Variants in LRRTM4 observed in about 807,000 individuals in gnomAD.
LRRTM4 encodes leucine rich repeat transmembrane neuronal 4, also known as leucine-rich repeat transmembrane neuronal protein 4.
LRRTM4 carries 25 observed loss-of-function variants against 47.6 expected under a neutral mutation model. That is an observed-to-expected ratio of 0.53 (90% CI 0.38 to 0.73). The LOEUF (loss-of-function observed/expected upper bound fraction) is 0.73, where lower values mean the gene tolerates loss of function less well. Among genes scored for constraint, LRRTM4 ranks in the 30% least tolerant of loss-of-function variants. LRRTM4 has a pLI of 0.00. For missense variants in LRRTM4, 638 were observed against 713.4 expected, an observed-to-expected ratio of 0.89 and a Z score of 1.20; for synonymous variants, 311 against 269.5, an observed-to-expected ratio of 1.15 and a Z score of -1.51.
chr2:77,351,157 T>C (rs558555504), intron 3 of LRRTM4, among the ~76,000 whole-genome samples: 1 of 152,148 alleles, frequency 6.6e-6, no homozygotes, highest in South Asian at 2.1e-4. Context: ...CACTTATAAG[T>C]GAAAACATAT....
chr2:76,915,822 CTTT>C (rs1001873537), intron 3 of LRRTM4, among the ~76,000 whole-genome samples: 10 of 151,918 alleles, frequency 6.6e-5, no homozygotes, highest in African/African-American at 1.4e-4. Context: ...TATAAAATAC[CTTT>C]TTAATATCCT....
At chr2:77,418,164 C>T (rs114379037) in intron 3 of LRRTM4, among the ~76,000 whole-genome samples, 1 of 152,128 alleles carries the variant, frequency 6.6e-6, no homozygotes, top group Non-Finnish European at 1.5e-5. Context: ...TAGACCCTAA[C>T]TAAATTTTTG....
intron 3 of LRRTM4, among the ~76,000 whole-genome samples, chr2:77,047,534 A>G (rs1679275405): frequency 6.6e-6 from 1 of 151,952 alleles, no homozygotes; most frequent in South Asian, 2.1e-4. Flanking sequence ...TTTGGCATTC[A>G]TCAGGTTATA....
chr2:77,007,749 C>CAT (rs1411321965), intron 3 of LRRTM4, among the ~76,000 whole-genome samples: 1 of 152,140 alleles, frequency 6.6e-6, no homozygotes, highest in Non-Finnish European at 1.5e-5. Context: ...GAAAAGGCTA[C>CAT]ATGTCTTCCA....
intron 3 of LRRTM4, among the ~76,000 whole-genome samples, chr2:77,037,222 G>A (rs987238927): frequency 2.6e-5 from 4 of 151,668 alleles, no homozygotes; most frequent in African/African-American, 4.8e-5. Flanking sequence ...TGGGCTTCAC[G>A]GATCCTGGTT....
At chr2:77,013,674 T>C (rs754068191) in intron 3 of LRRTM4, among the ~76,000 whole-genome samples, 1 of 152,116 alleles carries the variant, frequency 6.6e-6, no homozygotes, top group Non-Finnish European at 1.5e-5. Flanking sequence ...TGCCAGCTCC[T>C]AAAGAAAACA....
rs2860939 is a variant in LRRTM4, at chr2:77,007,167, C to T, written c.1552-258251G>A. ...AAATAAAGAGGAATATATATATATACACACACACACACACGCATATATATA... is the reference window on the plus strand; with the variant it reads ...AAATAAAGAGGAATATATATATATATACACACACACACACGCATATATATA... On this transcript the variant is annotated intron_variant, in intron 3 of 3. Transcript: ENST00000409884. Among the ~76,000 whole-genome samples, 241 of 149,934 alleles carry T rather than the reference C, an allele frequency of 1.6e-3. 1 individual carries two copies. The highest frequency in any genetic ancestry group is 4.4e-3 in the South Asian group (21 of 4,750).
chr2:77,330,878 C>G (rs746332916), intron 3 of LRRTM4, among the ~76,000 whole-genome samples: 1 of 152,098 alleles, frequency 6.6e-6, no homozygotes, highest in African/African-American at 2.4e-5. Context: ...TTTCATAATG[C>G]TTCTTAAGTT....
At chr2:76,877,103 CT>C (rs1417349791) in intron 3 of LRRTM4, among the ~76,000 whole-genome samples, 1 of 152,016 alleles carries the variant, frequency 6.6e-6, no homozygotes, top group Non-Finnish European at 1.5e-5. Flanking sequence ...AATGCTAGCT[CT>C]TAAAACTTTT....
chr2:77,429,025 C>G (rs562482609), intron 3 of LRRTM4, among the ~76,000 whole-genome samples: 1 of 152,236 alleles, frequency 6.6e-6, no homozygotes, highest in East Asian at 1.9e-4. Context: ...CTGGGTTTGA[C>G]AGTAATTTCA....
intron 3 of LRRTM4, among the ~76,000 whole-genome samples, chr2:76,805,915 T>G (rs1237109658): frequency 6.6e-6 from 1 of 152,116 alleles, no homozygotes; most frequent in Non-Finnish European, 1.5e-5. Flanking sequence ...CTCTAATAAA[T>G]CTTTCTCTAT....
intron 3 of LRRTM4, among the ~76,000 whole-genome samples, chr2:77,165,685 A>G (rs185379175): frequency 2.6e-5 from 4 of 152,384 alleles, no homozygotes; most frequent in East Asian, 1.9e-4. Context: ...AATACAGTGT[A>G]TAAACAGAAC....
In LRRTM4 at chr2:77,093,825, G is replaced by A. The variant is rs556837419; in HGVS notation, c.1552-344909C>T. On this transcript the variant is annotated intron_variant, in intron 3 of 3. Coordinates refer to ENST00000409884, the MANE Select transcript of LRRTM4 (RefSeq NM_001134745.3). ...CACCACAAAAGAAGTGTAAATGGCC[G>A]GTCCTTGCCTTAAGTGATGACATTA... 3.0e-4 allele frequency among the ~76,000 whole-genome samples: 46 copies of A among 151,808 alleles called. No homozygotes were observed. In the East Asian group the frequency reaches 6.4e-3, roughly 21 times the overall value.
intron 3 of LRRTM4, among the ~76,000 whole-genome samples, chr2:77,359,216 C>T (rs1558705531): frequency 6.6e-6 from 1 of 152,054 alleles, no homozygotes; most frequent in Non-Finnish European, 1.5e-5. Flanking sequence ...TGTTTTATGA[C>T]TTTATAACCT....
At chr2:77,509,955 A>G (rs1678921247) in intron 3 of LRRTM4, among the ~76,000 whole-genome samples, 1 of 152,170 alleles carries the variant, frequency 6.6e-6, no homozygotes, top group African/African-American at 2.4e-5. Flanking sequence ...AAGTACTTCA[A>G]GGCTGACCTC....
intron 3 of LRRTM4, among the ~76,000 whole-genome samples, chr2:76,960,574 A>T (rs7586363): frequency 0.66 from 100,161 of 151,364 alleles, 34,889 homozygotes; most frequent in African/African-American, 0.88. Flanking sequence ...CAAATACTCA[A>T]TTTAGCAAAC....
chr2:76,900,735 G>A (rs1038492534), intron 3 of LRRTM4, among the ~76,000 whole-genome samples: 8 of 152,046 alleles, frequency 5.3e-5, no homozygotes, highest in African/African-American at 1.9e-4. Flanking sequence ...TTAAAAAGGT[G>A]GCATATCTAT....
intron 3 of LRRTM4, among the ~76,000 whole-genome samples, chr2:76,753,538 AT>A (rs1035755055): frequency 6.6e-6 from 1 of 152,026 alleles, no homozygotes. Context: ...CAGCTCGAGT[AT>A]TTTTTTCTTC....
intron 3 of LRRTM4, among the ~76,000 whole-genome samples, chr2:77,197,995 A>G (rs1673875286): frequency 6.6e-6 from 1 of 152,154 alleles, no homozygotes; most frequent in African/African-American, 2.4e-5. Flanking sequence ...ACACACATGC[A>G]CGACTTTATG....
Sources: allele counts gnomAD v4.1 joint callset (sites outside exome capture counted in the v4.1 genomes callset), GRCh38; gene constraint gnomAD v4.1.1; transcripts MANE v1.5; gene names NCBI Gene and HGNC (gene_info 2026-07-23, HGNC 2026-07-21).